GRIA4: variants seen among roughly 807,000 people sequenced by gnomAD.
GRIA4 encodes glutamate ionotropic receptor AMPA type subunit 4, also known as glutamate receptor 4.
Under a neutral mutation model 104.0 loss-of-function variants are expected in GRIA4, and 34 were observed. That is an observed-to-expected ratio of 0.33 (90% confidence interval 0.25 to 0.44). The LOEUF is 0.44. Ranked by LOEUF, GRIA4 falls within the 20% of genes least tolerant of loss-of-function variation. The pLI, the probability that GRIA4 is intolerant of heterozygous loss-of-function variation, is 1.00. For missense variants in GRIA4, 750 were observed against 1,096.5 expected, an observed-to-expected ratio of 0.68 and a Z score of 4.46; for synonymous variants, 386 against 381.9, an observed-to-expected ratio of 1.01 and a Z score of -0.13.
intron 6 of GRIA4, among the ~76,000 whole-genome samples, chr11:105,889,625 A>G (rs750225517): frequency 6.6e-6 from 1 of 152,102 alleles, no homozygotes. Context: ...AGACTGAATG[A>G]TTTTCCCCTA....
intron 15 of GRIA4, among the ~76,000 whole-genome samples, 182 bp downstream of exon 15, chr11:105,972,210 C>A (rs1413293562): frequency 1.3e-5 from 2 of 152,110 alleles, no homozygotes; most frequent in Admixed American, 1.3e-4. Context: ...GCAACCTGCT[C>A]CCCAATATTA....
chr11:105,892,212 T>G (rs1186128846), intron 6 of GRIA4, among the ~76,000 whole-genome samples: 3 of 152,170 alleles, frequency 2.0e-5, no homozygotes, highest in Non-Finnish European at 4.4e-5. Flanking sequence ...CATTGCTCTG[T>G]ATTGATATTC....
chr11:105,960,428 AC>A (rs1174977589), intron 14 of GRIA4, among the ~76,000 whole-genome samples: 2 of 152,110 alleles, frequency 1.3e-5, no homozygotes, highest in Non-Finnish European at 2.9e-5. Flanking sequence ...AGCTGTGGGG[AC>A]AAGTCTTGGG....
chr11:105,845,082 T>A (rs575596587), intron 4 of GRIA4, among the ~76,000 whole-genome samples: 2 of 152,210 alleles, frequency 1.3e-5, no homozygotes, highest in Non-Finnish European at 2.9e-5. Flanking sequence ...TTACCTCACA[T>A]GGTTTTGCAG....
At chr11:105,634,347 C>T (rs112657225) in intron 3 of GRIA4, among the ~76,000 whole-genome samples, 10 of 127,126 alleles carry the variant, frequency 7.9e-5, no homozygotes, top group East Asian at 2.2e-4. Context: ...AGAGAGTCTC[C>T]GTCTCCAAAA....
rs7119566 is a variant in GRIA4, at chr11:105,972,759, T to G, written c.2409+731T>G. Among the ~76,000 whole-genome samples, 940 of 152,224 alleles carry G rather than the reference T, an allele frequency of 6.2e-3. 7 individuals carry two copies. Among genetic ancestry groups the G allele is most frequent in the African/African-American group, 0.021 (876 of 41,550 alleles). ...GTTATGTTTTTATTTTTTAAAAAAATTACAAGTTTATCAGTGAATCTAAAT... is the reference window on the plus strand; with the variant it reads ...GTTATGTTTTTATTTTTTAAAAAAAGTACAAGTTTATCAGTGAATCTAAAT... On this transcript the variant is annotated intron_variant, in intron 15 of 16. Coordinates refer to ENST00000282499, the MANE Select transcript of GRIA4 (RefSeq NM_000829.4).
At position 105,752,969 on chromosome 11, in the gene GRIA4, CT is replaced by C; in HGVS notation, c.248-11del. 1.2e-6 allele frequency: 2 copies of C among 1,608,458 alleles called. No individual in the cohort carries two copies. The highest frequency in any genetic ancestry group is 1.7e-6 in the Non-Finnish European group (2 of 1,175,760). ...GCTAATAGTTTGTGGTGTTTTCTTC[CT>C]CTTGTTTCAGTCTGTTCCCAGTATT... On this transcript the variant is annotated splice_polypyrimidine_tract_variant and intron_variant, in intron 3 of 16. Transcript: ENST00000282499.
intron 4 of GRIA4, among the ~76,000 whole-genome samples, chr11:105,778,426 G>A (rs568694441): frequency 6.6e-6 from 1 of 152,356 alleles, no homozygotes; most frequent in Admixed American, 6.5e-5. Context: ...TACAAGGGGG[G>A]CTGGGCGCGG....
intron 14 of GRIA4, among the ~76,000 whole-genome samples, chr11:105,953,896 A>C (rs1453651619): frequency 6.6e-6 from 1 of 152,178 alleles, no homozygotes; most frequent in Non-Finnish European, 1.5e-5. Flanking sequence ...TGTTTTTCTG[A>C]AAACAGAGAT....
At chr11:105,874,669 T>G in intron 5 of GRIA4, among the ~76,000 whole-genome samples, 1 of 152,196 alleles carries the variant, frequency 6.6e-6, no homozygotes, top group East Asian at 1.9e-4. Context: ...TATTTTATTC[T>G]CTTTGTAGCA....
Position 105,918,863 on chromosome 11 carries a change from C to G in GRIA4, c.1421C>G (p.Ala474Gly). 6.2e-7 allele frequency: 1 copy of G among 1,611,294 alleles called. No homozygotes were observed. Among genetic ancestry groups the G allele is most frequent in the Non-Finnish European group, 8.5e-7 (1 of 1,177,780 alleles). The stretch of plus-strand genomic sequence containing the variant: ...ATTGTCCCTGATGGAAAATATGGAG[C>G]AAGGGATGCAGACACAAAAATCTGG... ...IAIVPDGKYGARDADTKIWNG... is the reference protein window; with the variant it reads ...IAIVPDGKYGGRDADTKIWNG... Residue 474 changes from alanine to glycine, a missense_variant, in exon 11 of 17, where the codon GCA (alanine) becomes GGA (glycine). Coordinates refer to ENST00000282499, the MANE Select transcript of GRIA4 (RefSeq NM_000829.4).
intron 3 of GRIA4, among the ~76,000 whole-genome samples, chr11:105,729,391 CCAGACAGATT>C (rs946048611): frequency 2.6e-5 from 4 of 152,220 alleles, no homozygotes; most frequent in African/African-American, 9.6e-5. Flanking sequence ...ATGCCCAGGA[CCAGACAGATT>C]CAGACCCAAT....
intron 4 of GRIA4, among the ~76,000 whole-genome samples, chr11:105,753,650 T>A (rs150210998): frequency 6.6e-6 from 1 of 152,182 alleles, no homozygotes; most frequent in African/African-American, 2.4e-5. Flanking sequence ...TAGCATCAGA[T>A]CCTACAGATT....
intron 5 of GRIA4, among the ~76,000 whole-genome samples, chr11:105,885,600 G>T (rs1041125680): frequency 1.3e-5 from 2 of 152,204 alleles, no homozygotes; most frequent in Admixed American, 6.5e-5. Context: ...GTTCAGTCAA[G>T]TCAATACATA....
intron 4 of GRIA4, among the ~76,000 whole-genome samples, chr11:105,809,243 T>G (rs893925481): frequency 2.6e-5 from 4 of 152,120 alleles, no homozygotes; most frequent in Non-Finnish European, 5.9e-5. Flanking sequence ...TACATAATAG[T>G]TTTACATATT....
chr11:105,685,843 T>C (rs1247484332), intron 3 of GRIA4, among the ~76,000 whole-genome samples: 1 of 151,938 alleles, frequency 6.6e-6, no homozygotes, highest in African/African-American at 2.4e-5. Context: ...AGTAGCCTGA[T>C]GGCAAAGATC....
At chr11:105,745,459 T>TAGAAG (rs1939598058) in intron 3 of GRIA4, among the ~76,000 whole-genome samples, 1 of 152,110 alleles carries the variant, frequency 6.6e-6, no homozygotes, top group Non-Finnish European at 1.5e-5. Context: ...GGCCACTTTG[T>TAGAAG]AGAAGAGGTA....
intron 3 of GRIA4, among the ~76,000 whole-genome samples, chr11:105,729,632 A>C (rs10895869): frequency 0.67 from 101,410 of 152,028 alleles, 33,969 homozygotes; most frequent in Middle Eastern, 0.73. Context: ...AAACTGAATC[A>C]AGCAGCACAT....
At chr11:105,854,650 T>C (rs73540980) in intron 4 of GRIA4, among the ~76,000 whole-genome samples, 2,698 of 152,074 alleles carry the variant, frequency 0.018, 76 homozygotes, top group African/African-American at 0.06. Flanking sequence ...TAGGAAGAAA[T>C]GGCCAGGTTT....
Sources: gnomAD v4.1 joint callset for allele counts (sites outside exome capture counted in the v4.1 genomes callset) on GRCh38, gnomAD v4.1.1 for gene constraint, MANE v1.5 for transcripts, NCBI Gene and HGNC (gene_info 2026-07-23, HGNC 2026-07-21) for gene names.